SNX6: variants seen among roughly 807,000 people sequenced by gnomAD.
SNX6 encodes sorting nexin-6.
SNX6 carries 34 observed loss-of-function variants against 63.0 expected under a neutral mutation model. That is an observed-to-expected ratio of 0.54 (90% CI 0.41 to 0.72). The LOEUF is 0.72. SNX6 is among the 30% of genes least tolerant of loss of function. The probability of loss-of-function intolerance (pLI) is 0.00; values close to 1 mark genes in which losing one functional copy is unlikely to be tolerated. For synonymous variants in SNX6, 170 were observed against 164.2 expected (o/e 1.04, Z -0.27); for missense variants, 398 against 471.4 (o/e 0.84, Z 1.44).
rs538334759 is a variant in SNX6 at position 34,568,355 on chromosome 14, C to T, written c.922-342G>A. 3.3e-5 allele frequency among the ~76,000 whole-genome samples: 5 copies of T among 151,888 alleles called. No individual in the cohort carries two copies. The East Asian group carries it at 5.8e-4, about 18-fold the overall frequency. On this transcript the variant is annotated intron_variant, in intron 11 of 13. Coordinates refer to ENST00000362031, the MANE Select transcript of SNX6 (RefSeq NM_152233.4). ...AAGCAATTCTCCTGCCTCAGTCTCC[C>T]GAGTAGCTGAGACTACAGGTGCACG... is the stretch of plus-strand genomic sequence containing the variant.
At chr14:34,587,343 T>C (rs1010234892) in intron 8 of SNX6, among the ~76,000 whole-genome samples, 6 of 151,650 alleles carry the variant, frequency 4.0e-5, no homozygotes, top group Non-Finnish European at 5.9e-5. Context: ...CCATCCTGGC[T>C]AACACGGTGA....
intron 2 of SNX6, among the ~76,000 whole-genome samples, chr14:34,614,887 C>G (rs568252941): frequency 2.0e-5 from 3 of 152,080 alleles, no homozygotes. Flanking sequence ...TCTCGTAAGA[C>G]CCTATTTCAA....
intron 3 of SNX6, among the ~76,000 whole-genome samples, chr14:34,608,446 A>C (rs1187611790): frequency 6.6e-6 from 1 of 152,194 alleles, no homozygotes; most frequent in Non-Finnish European, 1.5e-5. Flanking sequence ...TACAGGTATG[A>C]GCCACTGTGT....
chr14:34,568,085 C>T (rs1045921978), intron 11 of SNX6, 72 bp from the exon 12 acceptor site: 17 of 1,219,100 alleles, frequency 1.4e-5, no homozygotes, highest in Middle Eastern at 2.9e-4. Flanking sequence ...CCACCACTGT[C>T]ACCACCACCA....
intron 7 of SNX6, among the ~76,000 whole-genome samples, chr14:34,595,584 C>T (rs1294764427): frequency 1.3e-5 from 2 of 152,066 alleles, no homozygotes; most frequent in South Asian, 2.1e-4. Flanking sequence ...TTATAATCAA[C>T]ATAGTGGTTT....
Position 34,562,478 on chromosome 14 carries a change from A to T in SNX6, c.*644T>A, listed in dbSNP as rs928295628. 6.5e-6 allele frequency: 1 copy of T among 152,696 alleles called. No homozygotes were observed. The highest frequency in any genetic ancestry group is 2.4e-5 in the African/African-American group (1 of 41,468). The allele number at this position is 152,696 out of a possible 1,614,324, so 9.5% of individuals were successfully genotyped here. A position where few individuals can be genotyped will look rare whatever the true frequency, so the allele number is the denominator to read the frequency against. ...AGTGATACAATGACCATAGAGTTAA[A>T]AACTATCACTGTTATCGCTGTTTAT... On this transcript the variant is annotated 3_prime_UTR_variant, in exon 14 of 14. Transcript: ENST00000362031.
At chr14:34,615,988 G>A (rs1367449768) in intron 2 of SNX6, among the ~76,000 whole-genome samples, 2 of 151,716 alleles carry the variant, frequency 1.3e-5, no homozygotes, top group East Asian at 1.9e-4. Flanking sequence ...GCAGAGTCCC[G>A]CCCTGTCACC....
chr14:34,567,917 C>A lies in SNX6; in HGVS notation c.1018G>T (p.Ala340Ser), dbSNP rs1881261368. Residue 340 changes from alanine to serine, a missense_variant, in exon 12 of 14, where the codon GCC becomes TCC. By Grantham distance (99) the Ala-to-Ser change is moderately conservative. Coordinates refer to ENST00000362031, the MANE Select transcript of SNX6 (RefSeq NM_152233.4). The stretch of plus-strand genomic sequence containing the variant: ...CAACATAATTGTTGGGAAGTTTCGG[C>A]CTGTAGAACATCTTTATTTTTTGCT... ...ARAKNKDVLQ[A>S]ETSQQLCCQK... 1.2e-6 allele frequency: 2 copies of A among 1,613,678 alleles called. No homozygotes were observed. Among genetic ancestry groups the A allele is most frequent in the African/African-American group, 1.3e-5 (1 of 74,908 alleles).
intron 2 of SNX6, among the ~76,000 whole-genome samples, chr14:34,624,718 C>G (rs1341229841): frequency 6.6e-6 from 1 of 151,720 alleles, no homozygotes; most frequent in African/African-American, 2.4e-5. Context: ...ATAGCTTGAA[C>G]TTGGGAGCCA....
At chr14:34,582,107 G>T (rs1440062217) in intron 9 of SNX6, among the ~76,000 whole-genome samples, 1 of 150,286 alleles carries the variant, frequency 6.7e-6, no homozygotes, top group African/African-American at 2.5e-5. Context: ...GATTACAGGT[G>T]TGAGCCACCA....
intron 9 of SNX6, among the ~76,000 whole-genome samples, chr14:34,585,158 C>A (rs1468006891): frequency 6.6e-6 from 1 of 152,022 alleles, no homozygotes; most frequent in South Asian, 2.1e-4. Context: ...AGCCCTCAAC[C>A]CAAGTTTTTA....
At chr14:34,578,934 T>A (rs1271912582) in intron 10 of SNX6, among the ~76,000 whole-genome samples, 1 of 7,484 alleles carries the variant, frequency 1.3e-4, no homozygotes, top group Non-Finnish European at 7.2e-4. Flanking sequence ...CGAGACTTCA[T>A]CTCAAAAAAA....
At chr14:34,610,392 A>C (rs893071877) in intron 2 of SNX6, among the ~76,000 whole-genome samples, 9 of 151,554 alleles carry the variant, frequency 5.9e-5, no homozygotes, top group East Asian at 1.9e-4. Flanking sequence ...AAAAAAAAAA[A>C]CAAAACCCTA....
At chr14:34,589,726 G>C (rs1478972368) in intron 8 of SNX6, among the ~76,000 whole-genome samples, 3 of 151,996 alleles carry the variant, frequency 2.0e-5, no homozygotes, top group African/African-American at 7.2e-5. Flanking sequence ...GGAAGGTCGA[G>C]GCATGAGAAT....
chr14:34,577,677 G>T (rs921133129), intron 10 of SNX6, among the ~76,000 whole-genome samples: 1 of 152,042 alleles, frequency 6.6e-6, no homozygotes, highest in Non-Finnish European at 1.5e-5. Flanking sequence ...TGCAATATAT[G>T]GGACCTTGTT....
At chr14:34,611,107 C>T (rs924030120) in intron 2 of SNX6, among the ~76,000 whole-genome samples, 1 of 152,164 alleles carries the variant, frequency 6.6e-6, no homozygotes, top group Non-Finnish European at 1.5e-5. Context: ...ATTCTCCCAC[C>T]TCAGCCTCCT....
intron 2 of SNX6, chr14:34,629,683 G>A (rs1883964479): frequency 2.7e-6 from 2 of 750,136 alleles, no homozygotes; most frequent in African/African-American, 1.7e-5. Context: ...GAACAGCGGC[G>A]GGGGACAAGA....
At chr14:34,564,565 C>T (rs1030737397) in intron 13 of SNX6, among the ~76,000 whole-genome samples, 5 of 152,036 alleles carry the variant, frequency 3.3e-5, no homozygotes, top group African/African-American at 1.2e-4. Context: ...CGGTGGTTCA[C>T]GCCTGCAATC....
chr14:34,612,061 G>A (rs1052447309), intron 2 of SNX6, among the ~76,000 whole-genome samples: 2 of 152,128 alleles, frequency 1.3e-5, no homozygotes, highest in Non-Finnish European at 2.9e-5. Context: ...TTACAGGCGT[G>A]AGCCACCGTG....
Sources: allele counts gnomAD v4.1 joint callset (sites outside exome capture counted in the v4.1 genomes callset), GRCh38; gene constraint gnomAD v4.1.1; transcripts MANE v1.5; gene names NCBI Gene and HGNC (gene_info 2026-07-23, HGNC 2026-07-21).